The following RCBTB1 variants were observed in gnomAD, a reference collection of about 807,000 sequenced individuals.
The protein encoded by RCBTB1 is RCC1 and BTB domain-containing protein 1.
RCBTB1 carries 46 observed loss-of-function variants against 62.4 expected under a neutral mutation model. The ratio of observed to expected loss-of-function variants is 0.74; its 90% confidence interval spans 0.58 to 0.94. The LOEUF (loss-of-function observed/expected upper bound fraction) is 0.94, where lower values mean the gene tolerates loss of function less well. Among genes scored for constraint, RCBTB1 ranks in the 40% least tolerant of loss-of-function variants. RCBTB1 has a pLI of 0.00. For synonymous variants in RCBTB1, 222 were observed against 245.8 expected (o/e 0.90, Z 0.91); for missense variants, 565 against 654.9 (o/e 0.86, Z 1.50).
chr13:49,558,077 TCAATTCCCGGCCAGGGC>T (rs534246841), intron 5 of RCBTB1, among the ~76,000 whole-genome samples: 2 of 152,326 alleles, frequency 1.3e-5, no homozygotes, highest in South Asian at 4.1e-4. Context: ...AGAAAAAATG[TCAATTCCCGGCCAGGGC>T]CACTGTCTGT....
intron 1 of RCBTB1, among the ~76,000 whole-genome samples, chr13:49,584,797 A>C (rs936220521): frequency 1.3e-5 from 2 of 152,188 alleles, no homozygotes; most frequent in Non-Finnish European, 2.9e-5. Context: ...TTACATGCAA[A>C]TAAATAAAAA....
chr13:49,578,985 T>C (rs1236174953), intron 2 of RCBTB1, among the ~76,000 whole-genome samples: 1 of 152,184 alleles, frequency 6.6e-6, no homozygotes, highest in African/African-American at 2.4e-5. Context: ...CTTCCATCTA[T>C]GCTACAGCAA....
At chr13:49,560,761 A>C (rs1206453630) in intron 4 of RCBTB1, among the ~76,000 whole-genome samples, 2 of 152,198 alleles carry the variant, frequency 1.3e-5, no homozygotes, top group Non-Finnish European at 2.9e-5. Context: ...ATGACTTGAG[A>C]GTTGAGGACT....
chr13:49,564,423 A>G (rs1286727282), intron 4 of RCBTB1, among the ~76,000 whole-genome samples: 2 of 151,222 alleles, frequency 1.3e-5, no homozygotes, highest in Non-Finnish European at 2.9e-5. Flanking sequence ...AGTCTCTACT[A>G]AAAGTACAAA....
At chr13:49,546,271 A>G in intron 9 of RCBTB1, 1 of 985,274 alleles carries the variant, frequency 1.0e-6, no homozygotes, top group African/African-American at 1.7e-5. Context: ...ATCCTCCTCA[A>G]AGGGGTGAAT....
intron 2 of RCBTB1, among the ~76,000 whole-genome samples, chr13:49,569,373 A>G (rs1280603174): frequency 6.6e-6 from 1 of 152,088 alleles, no homozygotes; most frequent in African/African-American, 2.4e-5. Context: ...CAGCAGTTTG[A>G]GACCAGCCTG....
intron 2 of RCBTB1, among the ~76,000 whole-genome samples, chr13:49,574,175 C>T (rs377733039): frequency 9.1e-4 from 139 of 152,040 alleles, no homozygotes; most frequent in African/African-American, 3.2e-3. Flanking sequence ...CTGGAGTACA[C>T]TGGCACCATC....
intron 2 of RCBTB1, among the ~76,000 whole-genome samples, chr13:49,571,331 A>C (rs1020313937): frequency 6.6e-6 from 1 of 152,100 alleles, no homozygotes; most frequent in African/African-American, 2.4e-5. Flanking sequence ...GGGGAAGAAG[A>C]GCGAAACCCC....
At chr13:49,562,514 C>CAAA (rs55875979) in intron 4 of RCBTB1, among the ~76,000 whole-genome samples, 1 of 115,330 alleles carries the variant, frequency 8.7e-6, no homozygotes, top group Non-Finnish European at 1.8e-5. Flanking sequence ...GACCCTGTCT[C>CAAA]AAAAAAAAAA....
chr13:49,554,980 T>G (rs568063029), intron 6 of RCBTB1, among the ~76,000 whole-genome samples: 86 of 152,300 alleles, frequency 5.6e-4, no homozygotes, highest in African/African-American at 1.9e-3. Flanking sequence ...CAGAGACTAA[T>G]TTCACAGAAA....
chr13:49,574,744 C>A (rs922103340), intron 2 of RCBTB1, among the ~76,000 whole-genome samples: 1 of 150,680 alleles, frequency 6.6e-6, no homozygotes, highest in Non-Finnish European at 1.5e-5. Context: ...CTAGCATATA[C>A]CCCAAAGAAC....
chr13:49,583,597 A>G (rs992693061), intron 1 of RCBTB1, among the ~76,000 whole-genome samples: 1 of 151,812 alleles, frequency 6.6e-6, no homozygotes. Context: ...CCCAGGCTGG[A>G]GTGCAGTGGC....
chr13:49,574,770 G>T (rs1199307049), intron 2 of RCBTB1, among the ~76,000 whole-genome samples: 2 of 151,538 alleles, frequency 1.3e-5, no homozygotes, highest in Non-Finnish European at 2.9e-5. Flanking sequence ...GCAGAGACTT[G>T]AACAGATAGT....
chr13:49,548,992 GTGTGGT>G (rs1961075186), intron 9 of RCBTB1, among the ~76,000 whole-genome samples: 1 of 134,986 alleles, frequency 7.4e-6, no homozygotes, highest in African/African-American at 3.3e-5. Flanking sequence ...AATTAGCTGG[GTGTGGT>G]GGCTGGTGCC....
intron 12 of RCBTB1, among the ~76,000 whole-genome samples, chr13:49,540,093 T>A (rs1390204327): frequency 6.6e-6 from 1 of 152,226 alleles, no homozygotes; most frequent in Non-Finnish European, 1.5e-5. Flanking sequence ...CCTTTTATTC[T>A]CTCTGAATCT....
At chr13:49,550,215 G>C (rs897777668) in intron 8 of RCBTB1, among the ~76,000 whole-genome samples, 3 of 152,130 alleles carry the variant, frequency 2.0e-5, no homozygotes, top group African/African-American at 7.2e-5. Context: ...CTGGGCTCAA[G>C]TGATCCTCTG....
In RCBTB1 at chr13:49,564,619, C is replaced by T. The variant is rs1321230814; in HGVS notation, c.277+1999G>A. On this transcript the variant is annotated intron_variant, in intron 4 of 12. Coordinates refer to ENST00000378302, the MANE Select transcript of RCBTB1 (RefSeq NM_018191.4). ...AAAAAAAAAAAAAAAATGCCGGGCG[C>T]GGTGGCTCACGCCTGTAATCCCAGC... 5.4e-4 allele frequency among the ~76,000 whole-genome samples: 73 copies of T among 135,262 alleles called. No homozygotes were observed. In the South Asian group the frequency reaches 6.0e-3, roughly 11 times the overall value. The allele number at this position is 135,262 out of a possible 152,430, so 88.7% of individuals were successfully genotyped here. A position where few individuals can be genotyped will look rare whatever the true frequency, so the allele number is the denominator to read the frequency against.
In RCBTB1 at chr13:49,540,910, G is replaced by A. The variant is rs558841970; in HGVS notation, c.1421C>T (p.Ser474Leu). 63 of 1,613,908 alleles carry A rather than the reference G, an allele frequency of 3.9e-5. No individual in the cohort carries two copies. The South Asian group carries it at 4.9e-4, about 13-fold the overall frequency. The change falls in exon 12 of 13, where the codon TCG becomes TTG. Residue 474 changes from serine to leucine, a missense_variant. Transcript: ENST00000378302. ...ATATCTGACTGCAGCAGAGAATAGC[G>A]AAAAGGCATTCTCCACAGTAATTCC... ...KRGITVENAF[S>L]LFSAAVRYDA...
chr13:49,561,391 A>G lies in RCBTB1; in HGVS notation c.278-1307T>C, dbSNP rs1962421298. On this transcript the variant is annotated intron_variant, in intron 4 of 12. Transcript: ENST00000378302. ...AGAGCCATTCCCTCCTACAGAAATT[A>G]TGACAGAAACCATAAATGGGAAATT... Among the ~76,000 whole-genome samples the G allele has an allele frequency of 9.2e-5, 14 of 152,216 alleles. No individual in the cohort carries two copies. In the South Asian group the frequency reaches 2.9e-3, roughly 32 times the overall value.
Sources: allele counts gnomAD v4.1 joint callset (sites outside exome capture counted in the v4.1 genomes callset), GRCh38; gene constraint gnomAD v4.1.1; transcripts MANE v1.5; gene names NCBI Gene and HGNC (gene_info 2026-07-23, HGNC 2026-07-21).